EPB41L3: variants seen among roughly 807,000 people sequenced by gnomAD.
EPB41L3 encodes the protein band 4.1-like protein 3.
Under a neutral mutation model 127.1 loss-of-function variants are expected in EPB41L3, and 57 were observed. That is an observed-to-expected ratio of 0.45 (90% CI 0.36 to 0.56). The LOEUF (loss-of-function observed/expected upper bound fraction) is 0.56, where lower values mean the gene tolerates loss of function less well. Ranked by LOEUF, EPB41L3 falls within the 20% of genes least tolerant of loss-of-function variation. EPB41L3 has a pLI of 0.00. For synonymous variants in EPB41L3, 572 were observed against 549.5 expected (o/e 1.04, Z -0.57); for missense variants, 1,273 against 1,372.2 (o/e 0.93, Z 1.14).
intron 1 of EPB41L3, among the ~76,000 whole-genome samples, chr18:5,625,029 G>A (rs1222284312): frequency 6.6e-6 from 1 of 152,142 alleles, no homozygotes; most frequent in East Asian, 1.9e-4. Flanking sequence ...GGCATGCATA[G>A]GAACTGGGGA....
chr18:5,599,330 G>A (rs1267949861), intron 3 of EPB41L3, among the ~76,000 whole-genome samples: 1 of 152,118 alleles, frequency 6.6e-6, no homozygotes, highest in Admixed American at 6.5e-5. Context: ...AAATATTTGA[G>A]GGGACACATT....
chr18:5,464,546 A>G (rs888298665), intron 3 of EPB41L3, among the ~76,000 whole-genome samples: 4 of 152,180 alleles, frequency 2.6e-5, no homozygotes, highest in African/African-American at 9.7e-5. Context: ...CCAACATGAA[A>G]ATGAGTGAGC....
chr18:5,485,140 G>A (rs1433725547), intron 2 of EPB41L3, among the ~76,000 whole-genome samples: 1 of 151,894 alleles, frequency 6.6e-6, no homozygotes, highest in Non-Finnish European at 1.5e-5. Flanking sequence ...GGACTGAAAA[G>A]ATCATTCACC....
intron 2 of EPB41L3, among the ~76,000 whole-genome samples, chr18:5,488,412 C>G (rs909989491): frequency 6.7e-6 from 1 of 150,100 alleles, no homozygotes; most frequent in Non-Finnish European, 1.5e-5. Flanking sequence ...TGGGGCCTGT[C>G]GGGGACTGGG....
At chr18:5,553,768 G>T (rs1026831304) in intron 3 of EPB41L3, among the ~76,000 whole-genome samples, 1 of 152,296 alleles carries the variant, frequency 6.6e-6, no homozygotes, top group Middle Eastern at 3.4e-3. Flanking sequence ...CAGCACATCT[G>T]TCTCTGCTGC....
At chr18:5,622,660 C>T (rs1049879404) in intron 1 of EPB41L3, among the ~76,000 whole-genome samples, 5 of 152,164 alleles carry the variant, frequency 3.3e-5, no homozygotes, top group Non-Finnish European at 7.4e-5. Flanking sequence ...AAAGAGACAA[C>T]TATTTTAGGC....
intron 3 of EPB41L3, among the ~76,000 whole-genome samples, chr18:5,578,557 TAAG>T (rs913676931): frequency 2.5e-4 from 38 of 152,240 alleles, no homozygotes; most frequent in African/African-American, 9.1e-4. Flanking sequence ...TGCAAACCAA[TAAG>T]AAGATGACAA....
In EPB41L3 at chr18:5,447,655, G is replaced by A. The variant is rs149697333; in HGVS notation, c.382-2411C>T. On this transcript the variant is annotated intron_variant, in intron 3 of 22. Coordinates refer to ENST00000341928, the MANE Select transcript of EPB41L3 (RefSeq NM_012307.5). ...ACAGCCATTTCTCAACGGAGGAATC[G>A]TTTCTGAATATGCTGCAGGCGCCCT... 4.8e-4 allele frequency among the ~76,000 whole-genome samples: 73 copies of A among 152,136 alleles called. No homozygotes were observed. In the East Asian group the frequency reaches 0.013, roughly 27 times the overall value.
intron 1 of EPB41L3, among the ~76,000 whole-genome samples, chr18:5,617,597 C>T (rs919417443): frequency 1.3e-4 from 20 of 152,292 alleles, no homozygotes; most frequent in African/African-American, 4.6e-4. Context: ...GGATTACAGG[C>T]GTGAGCCACC....
intron 4 of EPB41L3, among the ~76,000 whole-genome samples, chr18:5,444,823 A>G (rs1220712640): frequency 6.6e-6 from 1 of 152,202 alleles, no homozygotes; most frequent in Non-Finnish European, 1.5e-5. Context: ...CAAATAATCT[A>G]CTGAAACACA....
At chr18:5,561,198 A>T (rs556981084) in intron 3 of EPB41L3, among the ~76,000 whole-genome samples, 1 of 151,898 alleles carries the variant, frequency 6.6e-6, no homozygotes, top group South Asian at 2.1e-4. Flanking sequence ...AGGATGGTCA[A>T]GATCTCCTGA....
chr18:5,465,797 T>C (rs2084852775), intron 3 of EPB41L3, among the ~76,000 whole-genome samples: 1 of 152,170 alleles, frequency 6.6e-6, no homozygotes, highest in Non-Finnish European at 1.5e-5. Context: ...CAATTCTTTA[T>C]GGAGTGGAAT....
intron 1 of EPB41L3, among the ~76,000 whole-genome samples, chr18:5,515,259 GT>G (rs1004475483): frequency 2.6e-5 from 4 of 152,112 alleles, no homozygotes; most frequent in Admixed American, 6.5e-5. Context: ...GCTACTGAGA[GT>G]TTTTTTGCTT....
chr18:5,510,720 C>A (rs1474171690), intron 1 of EPB41L3, among the ~76,000 whole-genome samples: 1 of 152,214 alleles, frequency 6.6e-6, no homozygotes. Flanking sequence ...CAGAGAGCAG[C>A]AGTTTTTAGC....
intron 1 of EPB41L3, among the ~76,000 whole-genome samples, chr18:5,537,249 A>C (rs1160560896): frequency 6.6e-6 from 1 of 152,180 alleles, no homozygotes. Context: ...TTAAAGTGAG[A>C]ATGTATTATT....
chr18:5,600,017 A>G (rs2094574097), intron 3 of EPB41L3, among the ~76,000 whole-genome samples: 1 of 152,206 alleles, frequency 6.6e-6, no homozygotes, highest in South Asian at 2.1e-4. Flanking sequence ...CATCAACTGT[A>G]GTACACTCCA....
chr18:5,594,282 G>A (rs1302858260), intron 3 of EPB41L3, among the ~76,000 whole-genome samples: 1 of 152,020 alleles, frequency 6.6e-6, no homozygotes, highest in Non-Finnish European at 1.5e-5. Context: ...CCTCCATTCG[G>A]GGTCCCTGAC....
chr18:5,452,781 GTTGTGT>G (rs1248345602), intron 3 of EPB41L3, among the ~76,000 whole-genome samples: 1 of 122,078 alleles, frequency 8.2e-6, no homozygotes, highest in Non-Finnish European at 1.7e-5. Context: ...TTAAAAATTT[GTTGTGT>G]GTGTGTGTGT....
At chr18:5,427,036 C>T (rs1333878985) in intron 9 of EPB41L3, among the ~76,000 whole-genome samples, 1 of 151,996 alleles carries the variant, frequency 6.6e-6, no homozygotes, top group Non-Finnish European at 1.5e-5. Context: ...AGGGTCTTTG[C>T]TCTGTCACCC....
Sources: allele counts gnomAD v4.1 joint callset (sites outside exome capture counted in the v4.1 genomes callset), GRCh38; gene constraint gnomAD v4.1.1; transcripts MANE v1.5; gene names NCBI Gene and HGNC (gene_info 2026-07-23, HGNC 2026-07-21).